The following TRMT1L variants were observed in gnomAD, a reference collection of about 807,000 sequenced individuals.
TRMT1L encodes tRNA (guanine(27)-N(2))-dimethyltransferase.
Under a neutral mutation model 81.6 loss-of-function variants are expected in TRMT1L, and 28 were observed. That is an observed-to-expected ratio of 0.34 (90% CI 0.25 to 0.47). TRMT1L has a LOEUF of 0.47. Ranked by LOEUF, TRMT1L falls within the 20% of genes least tolerant of loss-of-function variation. The pLI, the probability that TRMT1L is intolerant of heterozygous loss-of-function variation, is 1.00. For missense variants in TRMT1L, 739 were observed against 877.1 expected (o/e 0.84, Z 1.99); for synonymous variants, 301 against 303.2 (o/e 0.99, Z 0.07).
At chr1:185,137,887 T>C (rs932724298) in intron 9 of TRMT1L, 91 bp from the exon 10 acceptor site, 73 of 1,279,538 alleles carry the variant, frequency 5.7e-5, no homozygotes, top group Non-Finnish European at 7.7e-5. Context: ...CAGTATACTA[T>C]GGATAAGTTA....
At chr1:185,153,529 T>G (rs1479970741) in intron 1 of TRMT1L, among the ~76,000 whole-genome samples, 5 of 152,152 alleles carry the variant, frequency 3.3e-5, no homozygotes, top group African/African-American at 1.2e-4. Context: ...TCTGGTGACC[T>G]TTAAGAAAAC....
intron 2 of TRMT1L, among the ~76,000 whole-genome samples, chr1:185,151,590 A>G (rs560947345): frequency 6.6e-6 from 1 of 152,306 alleles, no homozygotes; most frequent in South Asian, 2.1e-4. Flanking sequence ...CCGAATAGAC[A>G]GCCCCTAGAC....
At chr1:185,142,435 A>G (rs1353818845) in intron 7 of TRMT1L, among the ~76,000 whole-genome samples, 1 of 152,190 alleles carries the variant, frequency 6.6e-6, no homozygotes, top group African/African-American at 2.4e-5. Flanking sequence ...ATCTTTATAA[A>G]GAAGGACCTG....
At chr1:185,141,245 A>C (rs1024950905) in intron 7 of TRMT1L, among the ~76,000 whole-genome samples, 2 of 152,174 alleles carry the variant, frequency 1.3e-5, no homozygotes, top group Non-Finnish European at 2.9e-5. Context: ...CGCATTTTTC[A>C]TATTTTCACA....
intron 10 of TRMT1L, among the ~76,000 whole-genome samples, chr1:185,131,511 T>G (rs867062892): frequency 1.5e-4 from 23 of 152,042 alleles, no homozygotes; most frequent in African/African-American, 5.3e-4. Context: ...TATAATCAAT[T>G]CTTAGAAAGG....
At chr1:185,124,847 T>C in intron 12 of TRMT1L, 97 bp downstream of exon 12, 1 of 1,163,338 alleles carries the variant, frequency 8.6e-7, no homozygotes, top group Non-Finnish European at 1.2e-6. Context: ...CTATTTATAA[T>C]TATATTGGTT....
Position 185,120,455 on chromosome 1 carries a change from T to G in TRMT1L, c.1877A>C (p.Asp626Ala), listed in dbSNP as rs752698833. Residue 626 changes from aspartate to alanine, a missense_variant, in exon 14 of 15, where the codon GAT (aspartate) becomes GCT (alanine). Transcript: ENST00000367506. The part of the protein sequence containing the change: ...ITNLGKKQKT[D>A]VSTEHPPFYY... ...AAAGGGAGGATGTTCAGTACTGACA[T>G]CAGTCTTTTGCTTCTTGCCTAAATT... 6.2e-7 allele frequency: 1 copy of G among 1,603,112 alleles called. No individual in the cohort carries two copies. The highest frequency in any genetic ancestry group is 1.1e-5 in the South Asian group (1 of 88,436).
chr1:185,152,596 C>T (rs546697742), intron 1 of TRMT1L, among the ~76,000 whole-genome samples: 1 of 152,142 alleles, frequency 6.6e-6, no homozygotes, highest in Non-Finnish European at 1.5e-5. Flanking sequence ...AGGAGGCTAT[C>T]TCTGCCAGTA....
At chr1:185,151,974 T>C in intron 1 of TRMT1L, 39 bp from the exon 2 acceptor site, 5 of 1,285,020 alleles carry the variant, frequency 3.9e-6, no homozygotes, top group Non-Finnish European at 4.4e-6. Flanking sequence ...TTTAACAGTT[T>C]GTATTCTAGT....
intron 12 of TRMT1L, 31 bp from the exon 13 acceptor site, chr1:185,123,950 T>C (rs1232328223): frequency 8.7e-6 from 11 of 1,263,438 alleles, no homozygotes; most frequent in African/African-American, 1.5e-5. Flanking sequence ...GAAAAGAAAA[T>C]ATTTTACAGA....
chr1:185,149,147 T>C (rs1185237243), intron 3 of TRMT1L, among the ~76,000 whole-genome samples: 1 of 152,192 alleles, frequency 6.6e-6, no homozygotes, highest in Admixed American at 6.5e-5. Context: ...ATATATCTAA[T>C]ATACTCATTT....
At chr1:185,156,265 C>T (rs1057106117) in intron 1 of TRMT1L, among the ~76,000 whole-genome samples, 1 of 152,242 alleles carries the variant, frequency 6.6e-6, no homozygotes, top group Non-Finnish European at 1.5e-5. Context: ...CTCCGCATAT[C>T]CCTCACCGTG....
Position 185,149,008 on chromosome 1 carries a change from G to C in TRMT1L, c.460+1371C>G, listed in dbSNP as rs1465433597. Reference sequence around the variant, plus strand: ...CAAATATAAATGTATATATGTTTAAGATTGATACTTAGGTTTCTTTTGAGG... The same window carrying C: ...CAAATATAAATGTATATATGTTTAACATTGATACTTAGGTTTCTTTTGAGG... On this transcript the variant is annotated intron_variant, in intron 3 of 14. Transcript: ENST00000367506. Among the ~76,000 whole-genome samples the C allele has an allele frequency of 4.6e-5, 7 of 152,108 alleles. No homozygotes were observed. In the East Asian group the frequency reaches 1.3e-3, roughly 29 times the overall value.
At position 185,120,117 on chromosome 1, in the gene TRMT1L, C is replaced by A; in HGVS notation, c.2104G>T (p.Glu702Ter). 6.2e-7 allele frequency: 1 copy of A among 1,613,966 alleles called. No individual in the cohort carries two copies. Among genetic ancestry groups the A allele is most frequent in the Non-Finnish European group, 8.5e-7 (1 of 1,179,920 alleles). The change falls in exon 15 of 15, where the codon GAA becomes TAA. Residue 702 changes from glutamate (E) to a stop codon, truncating the protein, a stop_gained. Transcript: ENST00000367506. LOFTEE classifies it high-confidence loss of function. The stretch of plus-strand genomic sequence containing the variant: ...TCAGATGCTGACTGGACATGGCTTT[C>A]TGACTGTCCTCCAGTGTAGGTGGGG... ...STPTYTGGQS[E>*]SHVQSASEDT...
intron 12 of TRMT1L, among the ~76,000 whole-genome samples, chr1:185,124,560 A>C (rs1002244360): frequency 5.3e-5 from 8 of 151,872 alleles, no homozygotes; most frequent in African/African-American, 1.7e-4. Context: ...TGTGGTGTGC[A>C]TGCTTGTGGT....
intron 10 of TRMT1L, chr1:185,137,300 C>A: frequency 2.7e-6 from 1 of 374,120 alleles, no homozygotes; most frequent in South Asian, 2.9e-5. Context: ...TGATTTGTAA[C>A]AGCCTGGAAA....
intron 5 of TRMT1L, 103 bp from the exon 6 acceptor site, chr1:185,144,132 A>C: frequency 8.6e-7 from 1 of 1,156,666 alleles, no homozygotes; most frequent in Non-Finnish European, 1.2e-6. Flanking sequence ...AAAACAATAA[A>C]TATACATTTT....
chr1:185,129,372 TAGA>T (rs1400308018), intron 10 of TRMT1L, among the ~76,000 whole-genome samples: 1 of 152,220 alleles, frequency 6.6e-6, no homozygotes, highest in Non-Finnish European at 1.5e-5. Context: ...AAATGTAGGC[TAGA>T]AGAATCTAAT....
intron 1 of TRMT1L, 31 bp from the exon 2 acceptor site, chr1:185,151,966 TAACA>T (rs1206205068): frequency 7.2e-7 from 1 of 1,380,980 alleles, no homozygotes; most frequent in Non-Finnish European, 1.0e-6. Flanking sequence ...GATTATGCTT[TAACA>T]GTTTGTATTC....
Sources: allele counts gnomAD v4.1 joint callset (sites outside exome capture counted in the v4.1 genomes callset), GRCh38; gene constraint gnomAD v4.1.1; transcripts MANE v1.5; gene names NCBI Gene and HGNC (gene_info 2026-07-23, HGNC 2026-07-21).